The following GRIK1 variants were observed in gnomAD, a reference collection of about 807,000 sequenced individuals.
GRIK1 encodes glutamate ionotropic receptor kainate type subunit 1.
In GRIK1, 69 loss-of-function variants were observed where a neutral mutation model predicts 105.7. The ratio of observed to expected loss-of-function variants is 0.65; its 90% CI spans 0.54 to 0.80. GRIK1 has a LOEUF of 0.80. Ranked by LOEUF, GRIK1 falls within the 30% of genes least tolerant of loss-of-function variation. The pLI, the probability that GRIK1 is intolerant of heterozygous loss-of-function variation, is 0.00. For missense variants in GRIK1, 1,109 were observed against 1,167.3 expected, an observed-to-expected ratio of 0.95 and a Z score of 0.73; for synonymous variants, 438 against 431.3, an observed-to-expected ratio of 1.02 and a Z score of -0.19.
In GRIK1 at chr21:29,858,106, GC is replaced by G. The variant is rs568330194; in HGVS notation, c.118+81276del. On this transcript the variant is annotated intron_variant, in intron 1 of 17. Coordinates refer to ENST00000327783, the MANE Select transcript of GRIK1 (RefSeq NM_001330994.2). The stretch of plus-strand genomic sequence containing the variant: ...AGTAGAGAAGGGTTTCACTATGTTG[GC>G]CAGCTGGTCTCGAACTCCCGGCCCC... Among the ~76,000 whole-genome samples, 32 of 152,220 alleles carry G rather than the reference GC, an allele frequency of 2.1e-4. 1 individual carries two copies. Among genetic ancestry groups the G allele is most frequent in the African/African-American group, 7.7e-4 (32 of 41,542 alleles).
At chr21:29,772,088 CA>C (rs986688815) in intron 1 of GRIK1, among the ~76,000 whole-genome samples, 1 of 152,198 alleles carries the variant, frequency 6.6e-6, no homozygotes, top group Non-Finnish European at 1.5e-5. Flanking sequence ...TATTCAAAAA[CA>C]AATTAATTCC....
At chr21:29,766,876 C>T (rs1379431697) in intron 1 of GRIK1, among the ~76,000 whole-genome samples, 4 of 152,132 alleles carry the variant, frequency 2.6e-5, no homozygotes, top group Admixed American at 2.0e-4. Context: ...ATGTTTCTTC[C>T]GTCTGTCTCT....
intron 4 of GRIK1, among the ~76,000 whole-genome samples, chr21:29,665,777 G>A (rs1451886138): frequency 6.6e-6 from 1 of 152,218 alleles, no homozygotes; most frequent in Non-Finnish European, 1.5e-5. Context: ...TTTACAGGAT[G>A]TGAGCAACAT....
chr21:29,839,107 T>A (rs998974538), intron 1 of GRIK1, among the ~76,000 whole-genome samples: 1 of 152,148 alleles, frequency 6.6e-6, no homozygotes, highest in African/African-American at 2.4e-5. Flanking sequence ...CAGAGTGCAG[T>A]GGTGCGATCT....
chr21:29,898,336 C>T (rs770318229), intron 1 of GRIK1, among the ~76,000 whole-genome samples: 1 of 152,152 alleles, frequency 6.6e-6, no homozygotes, highest in Non-Finnish European at 1.5e-5. Flanking sequence ...GGAACAAGTC[C>T]CCTCCTAACA....
intron 7 of GRIK1, among the ~76,000 whole-genome samples, chr21:29,605,079 A>T (rs6516923): frequency 0.54 from 81,486 of 151,874 alleles, 24,838 homozygotes; most frequent in African/African-American, 0.84. Context: ...TTGTGTTAAG[A>T]TCAGGGGTAC....
chr21:29,603,991 G>A (rs1430494058), intron 7 of GRIK1, among the ~76,000 whole-genome samples: 2 of 152,120 alleles, frequency 1.3e-5, no homozygotes, highest in Non-Finnish European at 2.9e-5. Flanking sequence ...TTGGTACATT[G>A]TCCAGAATTT....
chr21:29,630,483 G>T lies in GRIK1; in HGVS notation c.1098+12343C>A, dbSNP rs7282163. 0.24 allele frequency: 111,555 copies of T among 470,842 alleles called. 13,394 individuals carry two copies. The highest frequency in any genetic ancestry group is 0.32 in the East Asian group (4,541 of 14,372). 29.2% of individuals were successfully genotyped at this position (470,842 alleles called of 1,614,324 possible). A position where few individuals can be genotyped will look rare whatever the true frequency, so the allele number is the denominator to read the frequency against. On this transcript the variant is annotated intron_variant, in intron 7 of 17. Coordinates refer to ENST00000327783, the MANE Select transcript of GRIK1 (RefSeq NM_001330994.2). Reference sequence around the variant, plus strand: ...GGGGAGGGCTGACCTAATCAAAATAGTTCTTTAATAAAAAGGGATTTAGAA... The same window carrying T: ...GGGGAGGGCTGACCTAATCAAAATATTTCTTTAATAAAAAGGGATTTAGAA...
At chr21:29,631,675 G>A (rs1450801411) in intron 7 of GRIK1, among the ~76,000 whole-genome samples, 1 of 152,164 alleles carries the variant, frequency 6.6e-6, no homozygotes, top group Non-Finnish European at 1.5e-5. Context: ...AAAAGACACA[G>A]TGGATTAAAA....
intron 1 of GRIK1, among the ~76,000 whole-genome samples, chr21:29,919,884 T>C (rs1180370322): frequency 6.6e-6 from 1 of 152,138 alleles, no homozygotes; most frequent in Non-Finnish European, 1.5e-5. Context: ...ACCTCTTTGT[T>C]CCTCCATTTC....
At chr21:29,694,930 G>T (rs940547560) in intron 1 of GRIK1, among the ~76,000 whole-genome samples, 2 of 152,134 alleles carry the variant, frequency 1.3e-5, no homozygotes, top group Non-Finnish European at 1.5e-5. Flanking sequence ...TTTCCAAAGT[G>T]CATGAGAATA....
chr21:29,686,223 G>A (rs2063484123), intron 3 of GRIK1, among the ~76,000 whole-genome samples: 1 of 152,166 alleles, frequency 6.6e-6, no homozygotes, highest in Non-Finnish European at 1.5e-5. Flanking sequence ...ATTTTCTCTT[G>A]TTAACCTGTC....
intron 1 of GRIK1, among the ~76,000 whole-genome samples, chr21:29,861,187 A>G (rs1341684234): frequency 6.6e-6 from 1 of 152,252 alleles, no homozygotes; most frequent in African/African-American, 2.4e-5. Flanking sequence ...AGTGGCAAGA[A>G]CTTTCAGCCT....
intron 13 of GRIK1, among the ~76,000 whole-genome samples, chr21:29,578,258 C>G (rs1020688532): frequency 6.6e-6 from 1 of 152,148 alleles, no homozygotes; most frequent in African/African-American, 2.4e-5. Context: ...GAAAGAAAAA[C>G]ACCCTAAATT....
chr21:29,579,063 A>G (rs1261633256), intron 13 of GRIK1, among the ~76,000 whole-genome samples: 1 of 152,190 alleles, frequency 6.6e-6, no homozygotes, highest in Non-Finnish European at 1.5e-5. Flanking sequence ...GAGTGGACAG[A>G]CAGGTGAACA....
chr21:29,861,233 C>T (rs2068626114), intron 1 of GRIK1, among the ~76,000 whole-genome samples: 1 of 152,104 alleles, frequency 6.6e-6, no homozygotes, highest in Non-Finnish European at 1.5e-5. Context: ...GAATGTCTTT[C>T]TTCGTTCCCA....
chr21:29,578,894 G>T (rs572410300), intron 13 of GRIK1, among the ~76,000 whole-genome samples: 2 of 152,064 alleles, frequency 1.3e-5, no homozygotes, highest in Non-Finnish European at 2.9e-5. Context: ...TCATAAAATA[G>T]CCATAGGAAA....
In GRIK1 at chr21:29,574,087, G is replaced by A. The variant is rs78268676; in HGVS notation, c.2130+2877C>T. On this transcript the variant is annotated intron_variant, in intron 14 of 17. Transcript: ENST00000327783. The stretch of plus-strand genomic sequence containing the variant: ...ACTTACCTTTAGGCTATATGCATAA[G>A]GTATATATGATGAATAAATAAATTT... Among the ~76,000 whole-genome samples, 1,040 of 107,790 alleles carry A rather than the reference G, an allele frequency of 9.6e-3. 27 individuals carry two copies. In the East Asian group the frequency reaches 0.1, roughly 11 times the overall value. 70.7% of individuals were successfully genotyped at this position (107,790 alleles called of 152,430 possible).
intron 3 of GRIK1, among the ~76,000 whole-genome samples, chr21:29,680,208 A>T (rs2063344548): frequency 6.6e-6 from 1 of 152,250 alleles, no homozygotes; most frequent in African/African-American, 2.4e-5. Context: ...ATTTTTGTAC[A>T]GTTCCCTCAA....
Sources: allele counts gnomAD v4.1 joint callset (sites outside exome capture counted in the v4.1 genomes callset), GRCh38; gene constraint gnomAD v4.1.1; transcripts MANE v1.5; gene names NCBI Gene and HGNC (gene_info 2026-07-23, HGNC 2026-07-21).